Variants in PRUNE2 observed in about 807,000 individuals in gnomAD.
The protein encoded by PRUNE2 is protein prune homolog 2.
A neutral mutation model predicts 252.0 loss-of-function variants in PRUNE2; 164 were observed. That is an observed-to-expected ratio of 0.65 (90% CI 0.57 to 0.74). The LOEUF (loss-of-function observed/expected upper bound fraction) is 0.74, where lower values mean the gene tolerates loss of function less well. Ranked by LOEUF, PRUNE2 falls within the 30% of genes least tolerant of loss-of-function variation. PRUNE2 has a pLI of 0.00. For synonymous variants in PRUNE2, 1,292 were observed against 1,350.2 expected (o/e 0.96, Z 0.94); for missense variants, 3,495 against 3,711.0 (o/e 0.94, Z 1.51).
At chr9:76,872,618 CA>C (rs2061276201) in intron 1 of PRUNE2, among the ~76,000 whole-genome samples, 1 of 151,378 alleles carries the variant, frequency 6.6e-6, no homozygotes, top group African/African-American at 2.4e-5. Context: ...CACACACACA[CA>C]CACACACACA....
At chr9:76,687,570 G>T in intron 9 of PRUNE2, 1 of 344,230 alleles carries the variant, frequency 2.9e-6, no homozygotes, top group Non-Finnish European at 6.0e-6. Flanking sequence ...ATCTGCCTAG[G>T]GTTTCCAAAG....
In PRUNE2 at chr9:76,850,382, A is replaced by G. The variant is rs539009239; in HGVS notation, c.344+81T>C. The G allele has an allele frequency of 5.5e-5, 62 of 1,135,334 alleles. No individual in the cohort carries two copies. The African/African-American group carries it at 9.1e-4, about 17-fold the overall frequency. 70.3% of individuals were successfully genotyped at this position (1,135,334 alleles called of 1,614,324 possible). A position where few individuals can be genotyped will look rare whatever the true frequency, so the allele number is the denominator to read the frequency against. On this transcript the variant is annotated intron_variant, in intron 3 of 18. Coordinates refer to ENST00000376718, the MANE Select transcript of PRUNE2 (RefSeq NM_015225.3). ...TTTTAATACATCTGCCTAAACCACA[A>G]AAGTCCTGAGTAAAGTGACACTTTG...
intron 6 of PRUNE2, among the ~76,000 whole-genome samples, chr9:76,734,740 A>G (rs1456469122): frequency 6.6e-6 from 1 of 152,190 alleles, no homozygotes; most frequent in Non-Finnish European, 1.5e-5. Flanking sequence ...CCTGAGCTCT[A>G]GGTGTGGCAG....
intron 12 of PRUNE2, among the ~76,000 whole-genome samples, chr9:76,642,823 G>A (rs1843134342): frequency 6.6e-6 from 1 of 152,194 alleles, no homozygotes; most frequent in African/African-American, 2.4e-5. Context: ...TGTAGGAAAA[G>A]GTGGCATCTC....
intron 6 of PRUNE2, among the ~76,000 whole-genome samples, chr9:76,754,898 G>A (rs1243627464): frequency 2.7e-5 from 4 of 148,990 alleles, no homozygotes; most frequent in Non-Finnish European, 5.9e-5. Context: ...CCCGGGAGGC[G>A]GAGGTTGCAG....
At chr9:76,809,705 CAAACAA>C (rs2057226780) in intron 6 of PRUNE2, among the ~76,000 whole-genome samples, 1 of 152,074 alleles carries the variant, frequency 6.6e-6, no homozygotes, top group Non-Finnish European at 1.5e-5. Context: ...AACAAACAAA[CAAACAA>C]AAAATCCTGA....
chr9:76,832,392 G>A (rs993284434), intron 4 of PRUNE2, among the ~76,000 whole-genome samples: 2 of 152,024 alleles, frequency 1.3e-5, no homozygotes, highest in African/African-American at 4.8e-5. Flanking sequence ...ATTTCAAAAG[G>A]TGGCCACTAT....
rs2046478994 is a variant in PRUNE2 at position 76,708,656 on chromosome 9, T to C, written c.3618A>G (p.Thr1206=). ...TTAGCTGCCCACTTTTCTCATTCAA[T>C]GTGTGATGTTCACTGGGAGCACTGT... ...TKDSAPSEHH[T]LNEKSGQLIA... The change falls in exon 8 of 19, where the codon ACA becomes ACG. Residue 1206 remains threonine (T), a synonymous_variant. Coordinates refer to ENST00000376718, the MANE Select transcript of PRUNE2 (RefSeq NM_015225.3). The C allele has an allele frequency of 6.2e-7, 1 of 1,614,012 alleles. No individual in the cohort carries two copies. The highest frequency in any genetic ancestry group is 1.3e-5 in the African/African-American group (1 of 75,056).
rs374534520 is a variant in PRUNE2, at chr9:76,705,376, C to G, written c.6898G>C (p.Asp2300His). The change falls in exon 8 of 19, where the codon GAC becomes CAC. Residue 2300 changes from aspartate (D) to histidine (H), a missense_variant. Physicochemically the swap from Asp to His is moderately conservative, Grantham distance 81. Transcript: ENST00000376718. ...CCTGAGGCATCGCTGAAACTGTGGT[C>G]AAAGGCAGCTTCGCTTATATCCAGA... ...TCLDISEAAF[D>H]HSFSDASGLN... 6.2e-7 allele frequency: 1 copy of G among 1,613,846 alleles called. No homozygotes were observed.
chr9:76,869,366 G>A (rs189166650), intron 1 of PRUNE2, among the ~76,000 whole-genome samples: 4 of 152,310 alleles, frequency 2.6e-5, no homozygotes, highest in East Asian at 1.9e-4. Flanking sequence ...TTGCAAAGAC[G>A]ACAGTTTTTA....
chr9:76,639,082 C>A (rs1841407486), intron 12 of PRUNE2, among the ~76,000 whole-genome samples: 1 of 152,192 alleles, frequency 6.6e-6, no homozygotes, highest in African/African-American at 2.4e-5. Flanking sequence ...TTTAATGATT[C>A]TACAGTCCAG....
At chr9:76,814,732 G>A (rs760584797) in intron 6 of PRUNE2, among the ~76,000 whole-genome samples, 1 of 152,168 alleles carries the variant, frequency 6.6e-6, no homozygotes. Context: ...GGCATGTTGG[G>A]GGTGGGGGAC....
chr9:76,837,832 C>A (rs868715479), intron 4 of PRUNE2, among the ~76,000 whole-genome samples: 1 of 148,546 alleles, frequency 6.7e-6, no homozygotes, highest in Admixed American at 6.7e-5. Flanking sequence ...AGTGCAGTGG[C>A]GCAATCTCGG....
chr9:76,646,457 G>A (rs1452261529), intron 11 of PRUNE2, among the ~76,000 whole-genome samples: 1 of 152,182 alleles, frequency 6.6e-6, no homozygotes. Context: ...ACCACCTACA[G>A]AGCCTTGGCT....
At chr9:76,703,072 T>C (rs573343912) in intron 9 of PRUNE2, among the ~76,000 whole-genome samples, 2 of 151,080 alleles carry the variant, frequency 1.3e-5, no homozygotes. Context: ...GTCATGTAGG[T>C]ATTCAAGTAG....
Position 76,707,700 on chromosome 9 carries a change from G to A in PRUNE2, c.4574C>T (p.Ala1525Val). Residue 1525 changes from alanine (A) to valine (V), a missense_variant, in exon 8 of 19, where the codon GCC (alanine) becomes GTC (valine). Physicochemically the swap from Ala to Val is moderately conservative, Grantham distance 64. Transcript: ENST00000376718. ...VKGSENSLPG[A>V]GSSGNFDRDT... is the part of the protein sequence containing the mutation. ...TCTGTCAAAATTTCCAGACGAACCGGCTCCTGGAAGGCTATTTTCAGACCC... is the reference window on the plus strand; with the variant it reads ...TCTGTCAAAATTTCCAGACGAACCGACTCCTGGAAGGCTATTTTCAGACCC... 2 of 1,613,844 alleles carry A rather than the reference G, an allele frequency of 1.2e-6. No homozygotes were observed. Among genetic ancestry groups the A allele is most frequent in the Non-Finnish European group, 1.7e-6 (2 of 1,179,848 alleles).
chr9:76,805,180 G>C (rs1404690123), intron 6 of PRUNE2, among the ~76,000 whole-genome samples: 1 of 152,216 alleles, frequency 6.6e-6, no homozygotes, highest in Non-Finnish European at 1.5e-5. Context: ...CCCCGCATTT[G>C]TTCCAGCCTT....
Position 76,705,900 on chromosome 9 carries a change from A to G in PRUNE2, c.6374T>C (p.Met2125Thr). ...QETEKHLSAC[M>T]GPEVESSELC... ...CTCACTGGATTCCACTTCAGGTCCCATGCAAGCACTGAGGTGCTTCTCAGT... is the reference window on the plus strand; with the variant it reads ...CTCACTGGATTCCACTTCAGGTCCCGTGCAAGCACTGAGGTGCTTCTCAGT... Residue 2125 changes from methionine (M) to threonine (T), a missense_variant, in exon 8 of 19, where the codon ATG becomes ACG. Physicochemically the swap from Met to Thr is moderately conservative, Grantham distance 81. Coordinates refer to ENST00000376718, the MANE Select transcript of PRUNE2 (RefSeq NM_015225.3). The G allele has an allele frequency of 6.2e-7, 1 of 1,613,958 alleles. No individual in the cohort carries two copies. Among genetic ancestry groups the G allele is most frequent in the South Asian group, 1.1e-5 (1 of 91,088 alleles).
At chr9:76,749,624 T>A (rs570528024) in intron 6 of PRUNE2, among the ~76,000 whole-genome samples, 1 of 152,242 alleles carries the variant, frequency 6.6e-6, no homozygotes, top group Non-Finnish European at 1.5e-5. Flanking sequence ...CTTGGCACCC[T>A]GCAAATAAAT....
Sources: gnomAD v4.1 joint callset for allele counts (sites outside exome capture counted in the v4.1 genomes callset) on GRCh38, gnomAD v4.1.1 for gene constraint, MANE v1.5 for transcripts, NCBI Gene and HGNC (gene_info 2026-07-23, HGNC 2026-07-21) for gene names.